The following ZNF394 variants were observed in gnomAD, a reference collection of about 807,000 sequenced individuals.
ZNF394 encodes the protein zinc finger protein 394.
A neutral mutation model predicts 21.8 loss-of-function variants in ZNF394; 19 were observed. That is an observed-to-expected ratio of 0.87 (90% CI 0.61 to 1.28). The LOEUF is 1.28. ZNF394 is among the 50% of genes most tolerant of loss of function. ZNF394 has a pLI of 0.00. For missense variants in ZNF394, 683 were observed against 708.6 expected (o/e 0.96, Z 0.41); for synonymous variants, 294 against 273.3 (o/e 1.08, Z -0.75).
Position 99,493,677 on chromosome 7 carries a change from A to G in ZNF394, c.1538T>C (p.Ile513Thr). The change falls in exon 3 of 3, where the codon ATT becomes ACT. Residue 513 changes from isoleucine to threonine, a missense_variant. Coordinates refer to ENST00000337673, the MANE Select transcript of ZNF394 (RefSeq NM_032164.4). ...CCCAGTGTGAATTCTCTGGTGTTTA[A>G]TGAGGGTTGCACTCTGATTGAAGCG... Reference protein sequence around the residue: ...GKRFNQSATLIKHQRIHTGEK... With the variant: ...GKRFNQSATLTKHQRIHTGEK... 3.7e-6 allele frequency: 6 copies of G among 1,614,176 alleles called. No individual in the cohort carries two copies. Among genetic ancestry groups the G allele is most frequent in the Non-Finnish European group, 5.1e-6 (6 of 1,180,030 alleles).
At chr7:99,498,939 CAG>C (rs1336489140) in intron 1 of ZNF394, 97 bp from the exon 2 acceptor site, 6 of 1,444,654 alleles carry the variant, frequency 4.2e-6, no homozygotes, top group East Asian at 4.8e-5. Flanking sequence ...TTGGAGAGAT[CAG>C]AGATAGAGGC....
At chr7:99,487,175 T>C in intron 1 of ZNF394, 6 of 1,614,122 alleles carry the variant, frequency 3.7e-6, no homozygotes, top group Non-Finnish European at 5.1e-6. Context: ...GGAAAAGCCT[T>C]TGGCCGGCAT....
At chr7:99,486,538 G>C (rs1434261121) in exon 2 of ZNF394, 2 of 1,614,076 alleles carry the variant, frequency 1.2e-6, no homozygotes, top group South Asian at 1.1e-5. Flanking sequence ...TGAAGATTTA[G>C]AGTCATATAA....
chr7:99,488,699 G>A (rs944686499), downstream of ZNF394, among the ~76,000 whole-genome samples: 7 of 151,762 alleles, frequency 4.6e-5, no homozygotes, highest in Admixed American at 4.6e-4. Flanking sequence ...GGAGGCCAAG[G>A]CGGGTGGGTC....
intron 1 of ZNF394, chr7:99,487,021 T>C: frequency 1.2e-6 from 2 of 1,614,098 alleles, no homozygotes; most frequent in African/African-American, 1.3e-5. Flanking sequence ...GCAGCTCGCG[T>C]ATCTTGTTGA....
chr7:99,486,967 C>T lies in ZNF394; in HGVS notation n.84-4G>A, dbSNP rs774479054. 6 of 1,614,024 alleles carry T rather than the reference C, an allele frequency of 3.7e-6. No individual in the cohort carries two copies. The African/African-American group carries it at 8.0e-5, about 22-fold the overall frequency. On this transcript the variant is annotated splice_region_variant and splice_polypyrimidine_tract_variant and intron_variant and non_coding_transcript_variant, in intron 1 of 1. Transcript: ENST00000462024. ...TACGGTCCATAAACAGTGTCACCTG[C>T]AAAACAAGCCATACAGATGTCATGA... is the stretch of plus-strand genomic sequence containing the variant.
At chr7:99,499,271 G>C (rs906010954) in intron 1 of ZNF394, among the ~76,000 whole-genome samples, 3 of 151,922 alleles carry the variant, frequency 2.0e-5, no homozygotes, top group African/African-American at 7.3e-5. Context: ...AGCTACTCGG[G>C]AGACTGAGGC....
chr7:99,493,162 T>G, downstream of ZNF394: 1 of 1,013,432 alleles, frequency 9.9e-7, no homozygotes, highest in Non-Finnish European at 1.2e-6. Context: ...TCAAGGAAGA[T>G]CCATAATTGA....
At chr7:99,490,142 TCA>T (rs1324130938), downstream of ZNF394, among the ~76,000 whole-genome samples, 49 of 137,102 alleles carry the variant, frequency 3.6e-4, no homozygotes, top group African/African-American at 1.2e-3. Context: ...TGGCAAAACC[TCA>T]TCTTTTTTTT....
intron 1 of ZNF394, chr7:99,487,352 A>G: frequency 6.2e-7 from 1 of 1,614,278 alleles, no homozygotes; most frequent in Non-Finnish European, 8.5e-7. Flanking sequence ...TTTAGTTTTA[A>G]GAGGAATCTT....
At position 99,493,907 on chromosome 7, in the gene ZNF394, G is replaced by A. The variant is rs1480785705; in HGVS notation, c.1308C>T (p.His436=). 3 of 1,614,216 alleles carry A rather than the reference G, an allele frequency of 1.9e-6. No individual in the cohort carries two copies. The highest frequency in any genetic ancestry group is 1.7e-5 in the Admixed American group (1 of 60,014). ...CACATTTAAAATGTTTGTCTCTACT[G>A]TGGGTACTTTGATGACGATTTAGGT... The part of the protein sequence containing the change: ...NSHLNRHQST[H]SRDKHFKCEE... The change falls in exon 3 of 3, where the codon CAC becomes CAT. Residue 436 remains histidine, a synonymous_variant. Transcript: ENST00000337673.
chr7:99,493,128 T>C (rs927684102), downstream of ZNF394: 37 of 863,318 alleles, frequency 4.3e-5, no homozygotes, highest in South Asian at 9.6e-5. Flanking sequence ...TCAGGACAGA[T>C]TGAACCTATC....
In ZNF394 at chr7:99,494,345, G is replaced by C; in HGVS notation, c.870C>G (p.Ala290=). 6.2e-7 allele frequency: 1 copy of C among 1,614,182 alleles called. No homozygotes were observed. The highest frequency in any genetic ancestry group is 8.5e-7 in the Non-Finnish European group (1 of 1,180,040). Reference sequence around the variant, plus strand: ...GACATAGAACAAGGTTGGAACACCTGGCACTGTTCTGCAATTCATTATTTT... The same window carrying C: ...GACATAGAACAAGGTTGGAACACCTCGCACTGTTCTGCAATTCATTATTTT... ...DSKNNELQNS[A]RCSNLVLCQH... is the part of the protein sequence containing the mutation. The change falls in exon 3 of 3, where the codon GCC becomes GCG. Residue 290 remains alanine, a synonymous_variant. Coordinates refer to ENST00000337673, the MANE Select transcript of ZNF394 (RefSeq NM_032164.4).
downstream of ZNF394, among the ~76,000 whole-genome samples, chr7:99,492,058 G>A (rs554953130): frequency 1.4e-5 from 2 of 146,828 alleles, no homozygotes; most frequent in East Asian, 4.0e-4. Flanking sequence ...GGGCGACAGA[G>A]CGAGACTCCG....
In ZNF394 at chr7:99,493,788, T is replaced by G; in HGVS notation, c.1427A>C (p.Lys476Thr). 6.2e-7 allele frequency: 1 copy of G among 1,614,152 alleles called. No individual in the cohort carries two copies. Among genetic ancestry groups the G allele is most frequent in the Non-Finnish European group, 8.5e-7 (1 of 1,180,022 alleles). The change falls in exon 3 of 3, where the codon AAG becomes ACG. Residue 476 changes from lysine to threonine, a missense_variant. By Grantham distance (78) the Lys-to-Thr change is moderately conservative. Around this residue, in one of 3 missense-constraint regions of ZNF394, gnomAD observed 274 missense variants for 314.1 expected, o/e 0.87. Coordinates refer to ENST00000337673, the MANE Select transcript of ZNF394 (RefSeq NM_032164.4). Reference protein sequence around the residue: ...ERPYKCEECEKSFKQRSDLFK... With the variant: ...ERPYKCEECETSFKQRSDLFK... ...GAGGTCAGAGCGCTGTTTGAAGCTC[T>G]TCTCGCATTCTTCACACTTATAGGG...
chr7:99,491,820 A>C (rs2151079548), downstream of ZNF394, among the ~76,000 whole-genome samples: 1 of 149,150 alleles, frequency 6.7e-6, no homozygotes, highest in East Asian at 2.0e-4. Context: ...CCAGCCTGTA[A>C]TCCCAGCACT....
intron 2 of ZNF394, chr7:99,497,718 C>G (rs1162802990): frequency 6.6e-6 from 1 of 151,840 alleles, no homozygotes; most frequent in Non-Finnish European, 1.5e-5. Context: ...ACAAAATTAG[C>G]TGAGCATGGT....
chr7:99,487,467 C>A (rs1446725138), intron 1 of ZNF394: 1 of 1,613,472 alleles, frequency 6.2e-7, no homozygotes, highest in Non-Finnish European at 8.5e-7. Context: ...AGGGCACTCA[C>A]AAAGGACAGA....
In ZNF394 at chr7:99,493,899, T is replaced by C. The variant is rs1233826473; in HGVS notation, c.1316A>G (p.Asp439Gly). 1 of 1,614,238 alleles carries C rather than the reference T, an allele frequency of 6.2e-7. No individual in the cohort carries two copies. Among genetic ancestry groups the C allele is most frequent in the Non-Finnish European group, 8.5e-7 (1 of 1,180,050 alleles). ...LNRHQSTHSRDKHFKCEECGE... is the reference protein window; with the variant it reads ...LNRHQSTHSRGKHFKCEECGE... ...GCATTCCTCACATTTAAAATGTTTG[T>C]CTCTACTGTGGGTACTTTGATGACG... Residue 439 changes from aspartate (D) to glycine (G), a missense_variant, in exon 3 of 3, where the codon GAC (aspartate) becomes GGC (glycine). Around this residue, in one of 3 missense-constraint regions of ZNF394, gnomAD observed 274 missense variants for 314.1 expected, o/e 0.87. Transcript: ENST00000337673.
Sources: allele counts gnomAD v4.1 joint callset (sites outside exome capture counted in the v4.1 genomes callset), GRCh38; gene constraint gnomAD v4.1.1; regional missense constraint gnomAD v4.1.1; transcripts MANE v1.5; gene names NCBI Gene and HGNC (gene_info 2026-07-23, HGNC 2026-07-21).